The following THRB variants were observed in gnomAD, a reference collection of about 807,000 sequenced individuals.
The protein encoded by THRB is thyroid hormone receptor beta.
Under a neutral mutation model 47.8 loss-of-function variants are expected in THRB, and 12 were observed. That is an observed-to-expected ratio of 0.25 (90% CI 0.16 to 0.41). The LOEUF is 0.41. Ranked by LOEUF, THRB falls within the 10% of genes least tolerant of loss-of-function variation. The pLI, the probability that THRB is intolerant of heterozygous loss-of-function variation, is 1.00. For synonymous variants in THRB, 218 were observed against 212.2 expected (o/e 1.03, Z -0.24); for missense variants, 348 against 589.2 (o/e 0.59, Z 4.24).
chr3:24,431,157 T>C (rs2070353590), intron 1 of THRB: 1 of 151,940 alleles, frequency 6.6e-6, no homozygotes, highest in South Asian at 2.1e-4. Context: ...AAATAACATA[T>C]GTTCATTTAA....
chr3:24,484,008 C>G (rs1696874958), intron 1 of THRB: 1 of 152,218 alleles, frequency 6.6e-6, no homozygotes, highest in African/African-American at 2.4e-5. Context: ...TCTGGTTCCC[C>G]TTTCAGCGGT....
chr3:24,136,071 A>G (rs1041681728), intron 8 of THRB, among the ~76,000 whole-genome samples: 4 of 151,834 alleles, frequency 2.6e-5, no homozygotes, highest in African/African-American at 9.7e-5. Context: ...TTTTCATTCA[A>G]TTTGTGGGTG....
chr3:24,424,428 TG>T (rs1173392675), intron 1 of THRB, among the ~76,000 whole-genome samples: 16 of 151,916 alleles, frequency 1.1e-4, no homozygotes, highest in Non-Finnish European at 2.1e-4. Flanking sequence ...GTTCTCAAAG[TG>T]GGGTTCCTTA....
Position 24,209,092 on chromosome 3 carries a change from A to C in THRB, c.23-18758T>G, listed in dbSNP as rs9882290. 3.8e-3 allele frequency among the ~76,000 whole-genome samples: 582 copies of C among 152,336 alleles called. 1 individual carries two copies. The highest frequency in any genetic ancestry group is 0.013 in the African/African-American group (555 of 41,572). On this transcript the variant is annotated intron_variant, in intron 4 of 10. Coordinates refer to ENST00000646209, the MANE Select transcript of THRB (RefSeq NM_001354712.2). ...AACAGGCACATGAAAAAATGCTCAT[A>C]ATCACTGGCCATCAGAGAAATGCAA...
intron 1 of THRB, among the ~76,000 whole-genome samples, chr3:24,394,874 T>C (rs550106388): frequency 3.9e-5 from 6 of 152,260 alleles, no homozygotes; most frequent in African/African-American, 1.4e-4. Context: ...AGAGACTATG[T>C]AAATGTGTTT....
chr3:24,334,735 G>A (rs973539344), intron 2 of THRB, among the ~76,000 whole-genome samples: 29 of 152,124 alleles, frequency 1.9e-4, no homozygotes, highest in African/African-American at 6.8e-4. Flanking sequence ...CATTTCTTTT[G>A]GGGGAGTGGC....
At chr3:24,487,206 T>C (rs1351234461) in intron 1 of THRB, among the ~76,000 whole-genome samples, 1 of 152,114 alleles carries the variant, frequency 6.6e-6, no homozygotes, top group Admixed American at 6.6e-5. Context: ...TGCTAGATAC[T>C]GGTCATTTGT....
In THRB at chr3:24,307,036, T is replaced by G. The variant is rs2057393540; in HGVS notation, c.-188-9665A>C. ...TGAATCATATGAGAGTTCTTGGCTG[T>G]TTTTATAAATATAATAATAAATTAT... On this transcript the variant is annotated intron_variant, in intron 2 of 10. Coordinates refer to ENST00000646209, the MANE Select transcript of THRB (RefSeq NM_001354712.2). Among the ~76,000 whole-genome samples the G allele has an allele frequency of 2.6e-5, 4 of 151,762 alleles. No homozygotes were observed. In the South Asian group the frequency reaches 8.3e-4, roughly 31 times the overall value.
chr3:24,220,136 C>A (rs951210461), intron 4 of THRB, among the ~76,000 whole-genome samples: 6 of 152,106 alleles, frequency 3.9e-5, no homozygotes, highest in Non-Finnish European at 8.8e-5. Flanking sequence ...GAGTCTTGGG[C>A]CCCCACCTGG....
chr3:24,238,712 C>T (rs148198803), intron 3 of THRB, among the ~76,000 whole-genome samples: 5 of 152,108 alleles, frequency 3.3e-5, no homozygotes, highest in Admixed American at 1.3e-4. Flanking sequence ...GCAGTGAGCT[C>T]CTTCAGATTT....
intron 1 of THRB, among the ~76,000 whole-genome samples, chr3:24,390,797 A>AATATATAT (rs1553743105): frequency 2.5e-4 from 34 of 137,852 alleles, no homozygotes; most frequent in African/African-American, 8.9e-4. Flanking sequence ...AAAAAAAAAA[A>AATATATAT]ATATATATAT....
At chr3:24,221,645 AAG>A (rs1309582468) in intron 4 of THRB, among the ~76,000 whole-genome samples, 1 of 152,148 alleles carries the variant, frequency 6.6e-6, no homozygotes, top group Non-Finnish European at 1.5e-5. Context: ...GTTGCTGAGA[AAG>A]AATTTTTTTT....
chr3:24,462,496 G>C (rs1332201444), intron 1 of THRB, among the ~76,000 whole-genome samples: 1 of 152,186 alleles, frequency 6.6e-6, no homozygotes, highest in African/African-American at 2.4e-5. Flanking sequence ...TCATAGCCCT[G>C]TTCTAAACTA....
At position 24,494,753 on chromosome 3, in the gene THRB, C is replaced by G. The variant is rs1404868995; in HGVS notation, c.-362G>C. 2 of 152,002 alleles carry G rather than the reference C, an allele frequency of 1.3e-5. No individual in the cohort carries two copies. The highest frequency in any genetic ancestry group is 2.1e-4 in the South Asian group (1 of 4,808). The allele number at this position is 152,002 out of a possible 1,614,324, so 9.4% of individuals were successfully genotyped here. ...GAAGGTAGCCTGCGGGCTCTTGCCC[C>G]GAGCCCGCGGAGCAGGAGGTCTCTT... is the stretch of plus-strand genomic sequence containing the variant. On this transcript the variant is annotated 5_prime_UTR_variant, in exon 1 of 11. Transcript: ENST00000646209.
intron 9 of THRB, among the ~76,000 whole-genome samples, chr3:24,128,168 A>G (rs1271669500): frequency 6.6e-6 from 1 of 152,120 alleles, no homozygotes; most frequent in African/African-American, 2.4e-5. Flanking sequence ...TGAATAGGTA[A>G]CAGCTTACCC....
chr3:24,161,822 TCCCCCACCCCCA>T (rs1289378891), intron 5 of THRB, among the ~76,000 whole-genome samples: 3 of 109,246 alleles, frequency 2.7e-5, no homozygotes, highest in Admixed American at 9.6e-5. Flanking sequence ...AGGACAACCC[TCCCCCACCCCCA>T]CCCCCACCCC....
chr3:24,133,508 A>C (rs1248726837), intron 8 of THRB, 46 bp from the exon 9 acceptor site: 1 of 1,570,718 alleles, frequency 6.4e-7, no homozygotes, highest in African/African-American at 1.4e-5. Flanking sequence ...AGTTGAAGGG[A>C]GCTTTATTTA....
At chr3:24,210,410 GTTT>G (rs1018857127) in intron 4 of THRB, among the ~76,000 whole-genome samples, 1 of 141,548 alleles carries the variant, frequency 7.1e-6, no homozygotes, top group African/African-American at 2.6e-5. Context: ...TTATTTGTTT[GTTT>G]TTTTTTTTTG....
chr3:24,372,386 T>C (rs1172652139), intron 1 of THRB, among the ~76,000 whole-genome samples: 1 of 152,128 alleles, frequency 6.6e-6, no homozygotes, highest in Admixed American at 6.6e-5. Context: ...AAATTAAGTA[T>C]TTATGATGTT....
Sources: allele counts gnomAD v4.1 joint callset (sites outside exome capture counted in the v4.1 genomes callset), GRCh38; gene constraint gnomAD v4.1.1; transcripts MANE v1.5; gene names NCBI Gene and HGNC (gene_info 2026-07-23, HGNC 2026-07-21).